C10orf143: variants seen among roughly 807,000 people sequenced by gnomAD.
The protein encoded by C10orf143 is uncharacterized protein C10orf143.
chr10:130,069,987 C>T (rs1861004078), intron 3 of C10orf143, among the ~76,000 whole-genome samples: 1 of 152,070 alleles, frequency 6.6e-6, no homozygotes, highest in Non-Finnish European at 1.5e-5. Flanking sequence ...TTAATTTTTA[C>T]CAGAAGAAAG....
intron 1 of C10orf143, among the ~76,000 whole-genome samples, chr10:130,098,194 G>A (rs1018685876): frequency 4.6e-5 from 7 of 151,900 alleles, no homozygotes; most frequent in Non-Finnish European, 8.8e-5. Context: ...ATGGTGGCAC[G>A]TGCCTGTAAT....
intron 3 of C10orf143, among the ~76,000 whole-genome samples, chr10:130,043,637 C>T (rs1860632279): frequency 6.6e-6 from 1 of 152,232 alleles, no homozygotes; most frequent in South Asian, 2.1e-4. Context: ...CATAAGCACC[C>T]CCAGGTGCCC....
chr10:130,105,993 C>A (rs1346608646), intron 1 of C10orf143: 13 of 427,248 alleles, frequency 3.0e-5, no homozygotes, highest in South Asian at 2.4e-4. Context: ...GAGTTCTCCG[C>A]TGCTTGTTGT....
intron 3 of C10orf143, among the ~76,000 whole-genome samples, chr10:130,073,464 T>C (rs1223949346): frequency 6.6e-6 from 1 of 152,162 alleles, no homozygotes; most frequent in Non-Finnish European, 1.5e-5. Flanking sequence ...ACCACATCTA[T>C]CTCTGGACGT....
At chr10:130,058,331 C>G (rs1305058238) in intron 3 of C10orf143, among the ~76,000 whole-genome samples, 1 of 152,062 alleles carries the variant, frequency 6.6e-6, no homozygotes, top group Non-Finnish European at 1.5e-5. Context: ...GATGCAGCCT[C>G]CTTGGGCCTC....
chr10:130,097,659 A>G (rs1861484000), intron 1 of C10orf143, among the ~76,000 whole-genome samples: 1 of 152,216 alleles, frequency 6.6e-6, no homozygotes, highest in Admixed American at 6.5e-5. Context: ...TTTCTGCACT[A>G]TTCATAACCA....
intron 3 of C10orf143, among the ~76,000 whole-genome samples, chr10:130,078,236 C>T (rs1861151580): frequency 6.6e-6 from 1 of 151,986 alleles, no homozygotes; most frequent in Admixed American, 6.6e-5. Context: ...CATGCCAGAA[C>T]ACAAGCTCTC....
At chr10:130,043,840 A>G (rs1860634666) in intron 3 of C10orf143, among the ~76,000 whole-genome samples, 1 of 152,228 alleles carries the variant, frequency 6.6e-6, no homozygotes, top group Non-Finnish European at 1.5e-5. Flanking sequence ...ATGCCCCAGC[A>G]ATGTGGAGCT....
At chr10:130,099,677 A>T (rs1861516519) in intron 1 of C10orf143, among the ~76,000 whole-genome samples, 1 of 151,228 alleles carries the variant, frequency 6.6e-6, no homozygotes, top group Admixed American at 6.6e-5. Flanking sequence ...GCTGGGGACT[A>T]CAGCCGTGTG....
At chr10:130,108,186 C>T (rs370849936) in intron 1 of C10orf143, 1 of 1,570,228 alleles carries the variant, frequency 6.4e-7, no homozygotes, top group South Asian at 1.1e-5. Context: ...ATGAGAAGAG[C>T]ACCTCCTTTC....
intron 1 of C10orf143, among the ~76,000 whole-genome samples, chr10:130,105,777 C>T (rs1193195414): frequency 6.6e-6 from 1 of 152,212 alleles, no homozygotes; most frequent in Non-Finnish European, 1.5e-5. Context: ...CCCCACCTCC[C>T]CACGGCTGCC....
intron 3 of C10orf143, among the ~76,000 whole-genome samples, chr10:130,051,269 C>T (rs940442933): frequency 7.3e-5 from 11 of 150,750 alleles, no homozygotes; most frequent in Admixed American, 7.3e-4. Flanking sequence ...GTCTCATCTC[C>T]CTCTCCTACC....
At chr10:130,063,258 A>G (rs1334869699), downstream of C10orf143, among the ~76,000 whole-genome samples, 2 of 152,240 alleles carry the variant, frequency 1.3e-5, no homozygotes, top group African/African-American at 2.4e-5. Flanking sequence ...AAGAGTTTAC[A>G]CACAAAAAAG....
chr10:130,100,094 C>CCAA (rs1304786084), intron 1 of C10orf143, among the ~76,000 whole-genome samples: 1 of 151,734 alleles, frequency 6.6e-6, no homozygotes, highest in Non-Finnish European at 1.5e-5. Flanking sequence ...ACACAGCCTC[C>CCAA]CAAAGTGCTG....
rs183970207 is a variant in C10orf143 at position 130,099,138 on chromosome 10, G to A, written c.69+11566C>T. ...ATTGAGTGTAGGCATAACTGGCAGGGTGAACACCTGTATTAGGGTTGTAAC... is the reference window on the plus strand; with the variant it reads ...ATTGAGTGTAGGCATAACTGGCAGGATGAACACCTGTATTAGGGTTGTAAC... On this transcript the variant is annotated intron_variant, in intron 1 of 3. Transcript: ENST00000637128. Among the ~76,000 whole-genome samples, 4 of 152,006 alleles carry A rather than the reference G, an allele frequency of 2.6e-5. No individual in the cohort carries two copies. In the East Asian group the frequency reaches 7.7e-4, roughly 29 times the overall value.
intron 3 of C10orf143, among the ~76,000 whole-genome samples, chr10:130,046,836 G>A (rs528764492): frequency 6.6e-6 from 1 of 152,376 alleles, no homozygotes; most frequent in African/African-American, 2.4e-5. Context: ...CTCCCAGGAG[G>A]CGCCAGTCAC....
intron 1 of C10orf143, among the ~76,000 whole-genome samples, chr10:130,105,850 A>G (rs866016119): frequency 3.3e-5 from 5 of 152,220 alleles, no homozygotes; most frequent in East Asian, 1.9e-4. Flanking sequence ...CTCAGGATGT[A>G]GTGTAACAAG....
chr10:130,099,575 C>T (rs1380586147), intron 1 of C10orf143, among the ~76,000 whole-genome samples: 5 of 151,952 alleles, frequency 3.3e-5, no homozygotes, highest in East Asian at 1.9e-4. Flanking sequence ...CTCACTCTGT[C>T]GCCCAGGCTA....
chr10:130,092,903 C>T (rs781458909), intron 1 of C10orf143, among the ~76,000 whole-genome samples: 12 of 152,052 alleles, frequency 7.9e-5, no homozygotes, highest in Non-Finnish European at 1.8e-4. Flanking sequence ...TAGAGGAGCA[C>T]CCAGATTCAT....
Sources: allele counts gnomAD v4.1 joint callset (sites outside exome capture counted in the v4.1 genomes callset), GRCh38; gene constraint gnomAD v4.1.1; transcripts MANE v1.5; gene names NCBI Gene and HGNC (gene_info 2026-07-23, HGNC 2026-07-21).